Variants in NBAS observed in about 807,000 individuals in gnomAD.
NBAS encodes the protein NAG/BC035112 fusion.
Under a neutral mutation model 302.5 loss-of-function variants are expected in NBAS, and 219 were observed. The ratio of observed to expected loss-of-function variants is 0.72; its 90% CI spans 0.65 to 0.81. The LOEUF (loss-of-function observed/expected upper bound fraction) is 0.81, where lower values mean the gene tolerates loss of function less well. Among genes scored for constraint, NBAS ranks in the 30% least tolerant of loss-of-function variants. The pLI is 0.00. For missense variants in NBAS, 2,932 were observed against 2,841.6 expected (o/e 1.03, Z -0.72); for synonymous variants, 1,118 against 1,021.6 (o/e 1.09, Z -1.80).
At chr2:15,503,190 T>C (rs1661661242) in intron 11 of NBAS, among the ~76,000 whole-genome samples, 1 of 152,160 alleles carries the variant, frequency 6.6e-6, no homozygotes, top group African/African-American at 2.4e-5. Context: ...TGCCTTTCCG[T>C]GCAATGCCTG....
At chr2:14,996,576 C>A in the NBAS span, among the ~76,000 whole-genome samples, 3 of 152,304 alleles carry the variant, frequency 2.0e-5, no homozygotes, top group African/African-American at 7.2e-5. Context: ...TTGCTCTGGG[C>A]TGTCGGAAGA....
At chr2:15,552,977 G>C (rs1217993763) in intron 5 of NBAS, among the ~76,000 whole-genome samples, 1 of 152,000 alleles carries the variant, frequency 6.6e-6, no homozygotes, top group Non-Finnish European at 1.5e-5. Context: ...GCTAATTTTT[G>C]TATTTTCAGT....
the NBAS span, among the ~76,000 whole-genome samples, chr2:15,113,854 A>G: frequency 6.6e-6 from 1 of 152,150 alleles, no homozygotes; most frequent in Non-Finnish European, 1.5e-5. Flanking sequence ...ATAAAAAGAA[A>G]GATAAAATCA....
chr2:15,260,917 A>G (rs918358), intron 44 of NBAS, among the ~76,000 whole-genome samples: 2,853 of 152,288 alleles, frequency 0.019, 97 homozygotes, highest in African/African-American at 0.065. Flanking sequence ...GATGTTTCCG[A>G]TCCTAATCCA....
At chr2:15,278,879 G>A (rs1445023695) in intron 42 of NBAS, among the ~76,000 whole-genome samples, 2 of 152,170 alleles carry the variant, frequency 1.3e-5, no homozygotes, top group Non-Finnish European at 2.9e-5. Context: ...AGGAAGGAGT[G>A]AAGCAGAAAT....
the NBAS span, among the ~76,000 whole-genome samples, chr2:14,894,351 G>T: frequency 2.6e-5 from 4 of 152,086 alleles, no homozygotes; most frequent in African/African-American, 9.7e-5. Context: ...GAGTACAGGG[G>T]GGCACCAAGA....
chr2:14,880,196 G>A, the NBAS span, among the ~76,000 whole-genome samples: 2 of 152,092 alleles, frequency 1.3e-5, no homozygotes, highest in East Asian at 1.9e-4. Flanking sequence ...AAAGAAACCC[G>A]GTAGGGATAC....
At chr2:14,902,475 TAAGGAGAG>T in the NBAS span, among the ~76,000 whole-genome samples, 1 of 152,056 alleles carries the variant, frequency 6.6e-6, no homozygotes, top group Non-Finnish European at 1.5e-5. Flanking sequence ...TAAGAGGAAG[TAAGGAGAG>T]AAGGAGAGAG....
At chr2:15,083,855 C>A in the NBAS span, among the ~76,000 whole-genome samples, 2 of 152,140 alleles carry the variant, frequency 1.3e-5, no homozygotes, top group African/African-American at 4.8e-5. Context: ...ATTCTCAGCT[C>A]TTCACTTACC....
At chr2:15,528,891 A>ATATGTGTGTATG in intron 9 of NBAS, among the ~76,000 whole-genome samples, 1 of 146,046 alleles carries the variant, frequency 6.8e-6, no homozygotes, top group Non-Finnish European at 1.5e-5. Flanking sequence ...ATATATATAT[A>ATATGTGTGTATG]TATATATGTG....
chr2:15,327,450 T>C (rs1052504398), intron 38 of NBAS, among the ~76,000 whole-genome samples: 5 of 152,226 alleles, frequency 3.3e-5, no homozygotes, highest in African/African-American at 9.6e-5. Context: ...ATAAATTTTA[T>C]TGAGCATTTT....
chr2:15,089,411 C>T, the NBAS span, among the ~76,000 whole-genome samples: 7 of 152,154 alleles, frequency 4.6e-5, no homozygotes, highest in Non-Finnish European at 1.5e-5. Context: ...ACTTGGGGCC[C>T]TATCCAATCC....
the NBAS span, among the ~76,000 whole-genome samples, chr2:14,936,626 A>C: frequency 6.6e-6 from 1 of 152,228 alleles, no homozygotes; most frequent in Non-Finnish European, 1.5e-5. Flanking sequence ...CCACAACCTG[A>C]TAAGGGTGGT....
chr2:14,896,451 G>A, the NBAS span, among the ~76,000 whole-genome samples: 2 of 151,868 alleles, frequency 1.3e-5, no homozygotes, highest in East Asian at 1.9e-4. Flanking sequence ...TCCCTCCTAC[G>A]CCCCCACACT....
chr2:15,551,402 A>G, intron 6 of NBAS, 91 bp downstream of exon 6: 1 of 801,160 alleles, frequency 1.2e-6, no homozygotes, highest in Non-Finnish European at 2.0e-6. Flanking sequence ...CTTGTTAATA[A>G]ATATTTAATA....
intron 21 of NBAS, among the ~76,000 whole-genome samples, chr2:15,439,409 C>G (rs1481254972): frequency 6.6e-6 from 1 of 151,502 alleles, no homozygotes; most frequent in Non-Finnish European, 1.5e-5. Context: ...AGGTAAACCT[C>G]AAGATCATCA....
chr2:14,882,683 G>A, the NBAS span, among the ~76,000 whole-genome samples: 1 of 152,134 alleles, frequency 6.6e-6, no homozygotes, highest in Admixed American at 6.6e-5. Flanking sequence ...ATTTCTCATC[G>A]AGCATCATGG....
intron 46 of NBAS, among the ~76,000 whole-genome samples, chr2:15,233,516 G>T (rs933218444): frequency 2.6e-5 from 4 of 151,972 alleles, no homozygotes; most frequent in African/African-American, 9.7e-5. Flanking sequence ...CTTGGTTTAA[G>T]AAATAATAAA....
chr2:15,179,320 A>G (rs938250898), intron 50 of NBAS: 1 of 665,746 alleles, frequency 1.5e-6, no homozygotes, highest in Non-Finnish European at 2.6e-6. Flanking sequence ...CAGATTTCCA[A>G]GCTATCAGAT....
Sources: allele counts gnomAD v4.1 joint callset (sites outside exome capture counted in the v4.1 genomes callset), GRCh38; gene constraint gnomAD v4.1.1; transcripts MANE v1.5; gene names NCBI Gene and HGNC (gene_info 2026-07-23, HGNC 2026-07-21).